Variants in CPS1 observed in about 807,000 individuals in gnomAD.
The protein encoded by CPS1 is carbamoyl-phosphate synthase [ammonia], mitochondrial.
Under a neutral mutation model 174.6 loss-of-function variants are expected in CPS1, and 109 were observed. The ratio of observed to expected loss-of-function variants is 0.62; its 90% CI spans 0.53 to 0.73. The LOEUF (loss-of-function observed/expected upper bound fraction) is 0.73, where lower values mean the gene tolerates loss of function less well. CPS1 is among the 30% of genes least tolerant of loss of function. The pLI is 0.00. For synonymous variants in CPS1, 637 were observed against 632.0 expected, an observed-to-expected ratio of 1.01 and a Z score of -0.12; for missense variants, 1,689 against 1,821.9, an observed-to-expected ratio of 0.93 and a Z score of 1.33.
At position 210,606,742 on chromosome 2, in the gene CPS1, G is replaced by A; in HGVS notation, c.1993G>A (p.Val665Ile). ...AMGVHTGDSV[V>I]VAPAQTLSNA... is the part of the protein sequence containing the mutation. ...TCTTGGATATATAGGTGACTCAGTT[G>A]TTGTGGCTCCTGCCCAGACACTCTC... Residue 665 changes from valine to isoleucine, a missense_variant, in exon 18 of 38, where the codon GTT (valine) becomes ATT (isoleucine). Physicochemically the swap from Val to Ile is conservative, Grantham distance 29. Transcript: ENST00000233072. 1.2e-6 allele frequency: 2 copies of A among 1,612,436 alleles called. No individual in the cohort carries two copies. Among genetic ancestry groups the A allele is most frequent in the South Asian group, 1.1e-5 (1 of 91,062 alleles).
intron 5 of CPS1, among the ~76,000 whole-genome samples, chr2:210,581,259 A>G (rs1697914284): frequency 6.6e-6 from 1 of 152,282 alleles, no homozygotes; most frequent in South Asian, 2.1e-4. Context: ...AATAAAATAT[A>G]GTCAGGCCTA....
At chr2:210,557,355 G>A (rs1399879303) in intron 1 of CPS1, among the ~76,000 whole-genome samples, 2 of 152,096 alleles carry the variant, frequency 1.3e-5, no homozygotes, top group South Asian at 2.1e-4. Context: ...AGGTCATCAT[G>A]TAGACACTGC....
chr2:210,557,094 C>T (rs796114395), intron 1 of CPS1, among the ~76,000 whole-genome samples: 6 of 152,046 alleles, frequency 3.9e-5, no homozygotes, highest in African/African-American at 9.6e-5. Context: ...TTCTTGTGAA[C>T]ATGTAAAATG....
intron 15 of CPS1, 135 bp from the exon 16 acceptor site, chr2:210,602,067 A>G: frequency 9.9e-7 from 1 of 1,014,750 alleles, no homozygotes; most frequent in Non-Finnish European, 1.5e-6. Flanking sequence ...GAATGAGATG[A>G]GGGAATAATA....
At chr2:210,507,824 C>G (rs1399478634) in intron 1 of CPS1, among the ~76,000 whole-genome samples, 1 of 152,076 alleles carries the variant, frequency 6.6e-6, no homozygotes, top group East Asian at 1.9e-4. Context: ...ACAAGAAGAG[C>G]TAACTATCCT....
At chr2:210,587,363 C>A (rs1279854803) in intron 6 of CPS1, among the ~76,000 whole-genome samples, 4 of 152,032 alleles carry the variant, frequency 2.6e-5, no homozygotes, top group Non-Finnish European at 5.9e-5. Flanking sequence ...TCTATTATTT[C>A]TCCTTTTATG....
At chr2:210,642,769 C>T (rs891808493) in intron 25 of CPS1, 104 bp downstream of exon 25, 1 of 1,099,618 alleles carries the variant, frequency 9.1e-7, no homozygotes, top group Non-Finnish European at 1.3e-6. Context: ...AGTAATTCCT[C>T]TTAGAAGAAA....
intron 21 of CPS1, chr2:210,618,733 C>T (rs1216307251): frequency 6.6e-6 from 1 of 151,958 alleles, no homozygotes; most frequent in African/African-American, 2.4e-5. Flanking sequence ...AGTTTCCTTG[C>T]CCTATTTTAA....
At chr2:210,493,420 T>C (rs1694918318) in intron 1 of CPS1, among the ~76,000 whole-genome samples, 1 of 152,238 alleles carries the variant, frequency 6.6e-6, no homozygotes, top group African/African-American at 2.4e-5. Flanking sequence ...CCTTTCTGCA[T>C]CATCTTCCTC....
chr2:210,647,980 G>C lies in CPS1; in HGVS notation c.3259G>C (p.Glu1087Gln), dbSNP rs1483707318. Residue 1087 changes from glutamate (E) to glutamine (Q), a missense_variant, in exon 26 of 38, where the codon GAG becomes CAG. By Grantham distance (29) the Glu-to-Gln change is conservative. Coordinates refer to ENST00000233072, the MANE Select transcript of CPS1 (RefSeq NM_001875.5). Reference sequence around the variant, plus strand: ...AAGCCCCCTGCAGATCGACAGGGCTGAGGATCGCTCCATCTTCTCAGCTGT... The same window carrying C: ...AAGCCCCCTGCAGATCGACAGGGCTCAGGATCGCTCCATCTTCTCAGCTGT... The part of the protein sequence containing the change: ...GTSPLQIDRA[E>Q]DRSIFSAVLD... The C allele has an allele frequency of 6.2e-6, 10 of 1,614,070 alleles. No homozygotes were observed. Among genetic ancestry groups the C allele is most frequent in the Non-Finnish European group, 8.5e-6 (10 of 1,179,956 alleles).
intron 33 of CPS1, among the ~76,000 whole-genome samples, 190 bp from the exon 34 acceptor site, chr2:210,667,996 C>G (rs574597643): frequency 3.3e-5 from 5 of 152,150 alleles, no homozygotes; most frequent in Admixed American, 6.6e-5. Context: ...TCCCTGGATT[C>G]AGATTGCACA....
At chr2:210,479,329 C>CTTTT (rs11299389) in intron 1 of CPS1, among the ~76,000 whole-genome samples, 12 of 122,394 alleles carry the variant, frequency 9.8e-5, no homozygotes, top group East Asian at 2.6e-4. Flanking sequence ...ATCATTCTTT[C>CTTTT]TTTTTTTTTT....
chr2:210,539,047 C>A (rs1422329191), intron 1 of CPS1, among the ~76,000 whole-genome samples: 1 of 152,038 alleles, frequency 6.6e-6, no homozygotes, highest in Non-Finnish European at 1.5e-5. Context: ...AATTGCTTTC[C>A]GCACTCATTG....
intron 1 of CPS1, among the ~76,000 whole-genome samples, chr2:210,542,619 A>C (rs1483074470): frequency 2.0e-5 from 3 of 151,780 alleles, no homozygotes; most frequent in Non-Finnish European, 2.9e-5. Flanking sequence ...CAAAGTCTTC[A>C]TTTTTTGGTT....
intron 16 of CPS1, 79 bp downstream of exon 16, chr2:210,602,409 T>A: frequency 6.7e-7 from 1 of 1,488,446 alleles, no homozygotes; most frequent in Non-Finnish European, 9.4e-7. Flanking sequence ...GAAAGTTATG[T>A]AGATGAGAAA....
intron 21 of CPS1, among the ~76,000 whole-genome samples, chr2:210,629,264 C>T (rs1011469002): frequency 6.6e-6 from 1 of 152,084 alleles, no homozygotes; most frequent in Non-Finnish European, 1.5e-5. Flanking sequence ...GGACTTAACC[C>T]GTTAATCCAA....
At chr2:210,617,211 T>C (rs1699339728) in intron 21 of CPS1, among the ~76,000 whole-genome samples, 1 of 152,008 alleles carries the variant, frequency 6.6e-6, no homozygotes, top group South Asian at 2.1e-4. Context: ...TGGGGCACCT[T>C]AGGCTGATGA....
chr2:210,500,196 TG>T (rs1308719629), intron 1 of CPS1, among the ~76,000 whole-genome samples: 3 of 152,074 alleles, frequency 2.0e-5, no homozygotes, highest in Non-Finnish European at 2.9e-5. Context: ...CCTTGACACC[TG>T]GGGATTATCA....
At chr2:210,574,906 C>T (rs984651470) in intron 2 of CPS1, among the ~76,000 whole-genome samples, 5 of 151,970 alleles carry the variant, frequency 3.3e-5, no homozygotes, top group African/African-American at 4.8e-5. Context: ...AGGTATTCAT[C>T]TATAAGATTA....
Sources: gnomAD v4.1 joint callset for allele counts (sites outside exome capture counted in the v4.1 genomes callset) on GRCh38, gnomAD v4.1.1 for gene constraint, MANE v1.5 for transcripts, NCBI Gene and HGNC (gene_info 2026-07-23, HGNC 2026-07-21) for gene names.